SDK1: variants seen among roughly 807,000 people sequenced by gnomAD.
SDK1 encodes the protein protein sidekick-1.
A neutral mutation model predicts 245.5 loss-of-function variants in SDK1; 157 were observed. The ratio of observed to expected loss-of-function variants is 0.64; its 90% CI spans 0.56 to 0.73. The LOEUF is 0.73. Among genes scored for constraint, SDK1 ranks in the 30% least tolerant of loss-of-function variants. The pLI, the probability that SDK1 is intolerant of heterozygous loss-of-function variation, is 0.00. For synonymous variants in SDK1, 1,647 were observed against 1,278.5 expected (o/e 1.29, Z -6.15); for missense variants, 3,583 against 3,002.3 (o/e 1.19, Z -4.52).
At chr7:3,961,099 G>A (rs951022197) in intron 8 of SDK1, among the ~76,000 whole-genome samples, 1 of 152,178 alleles carries the variant, frequency 6.6e-6, no homozygotes, top group East Asian at 1.9e-4. Context: ...GTTAAGTGTA[G>A]ACTTACAAAT....
chr7:3,989,419 G>C (rs1784124130), intron 14 of SDK1, among the ~76,000 whole-genome samples: 1 of 152,202 alleles, frequency 6.6e-6, no homozygotes, highest in Non-Finnish European at 1.5e-5. Flanking sequence ...TTCAAGATGA[G>C]ATTTGGGTGG....
intron 17 of SDK1, among the ~76,000 whole-genome samples, chr7:4,019,405 G>A (rs977759071): frequency 6.6e-6 from 1 of 152,168 alleles, no homozygotes; most frequent in East Asian, 1.9e-4. Flanking sequence ...GAGATTTGGC[G>A]AGGGACTGTG....
At chr7:3,891,521 G>T (rs566308651) in intron 5 of SDK1, among the ~76,000 whole-genome samples, 28 of 152,224 alleles carry the variant, frequency 1.8e-4, no homozygotes, top group African/African-American at 6.5e-4. Context: ...TGTCCCTTTT[G>T]AAGCTGTCCT....
chr7:3,831,647 A>G (rs1779915460), intron 5 of SDK1, among the ~76,000 whole-genome samples: 1 of 152,196 alleles, frequency 6.6e-6, no homozygotes, highest in Admixed American at 6.5e-5. Context: ...TTAAGGACAG[A>G]AAGATGTGAT....
intron 1 of SDK1, among the ~76,000 whole-genome samples, chr7:3,470,168 C>T (rs1483848213): frequency 6.6e-6 from 1 of 152,132 alleles, no homozygotes; most frequent in African/African-American, 2.4e-5. Context: ...AATCTACATA[C>T]TAAAAATTTC....
chr7:3,578,576 C>G (rs761218358), intron 1 of SDK1, among the ~76,000 whole-genome samples: 18 of 151,926 alleles, frequency 1.2e-4, no homozygotes, highest in Non-Finnish European at 2.6e-4. Context: ...GTCCTTATCT[C>G]AACCGCATAA....
At chr7:3,494,441 C>G (rs1272292238) in intron 1 of SDK1, among the ~76,000 whole-genome samples, 9 of 151,924 alleles carry the variant, frequency 5.9e-5, no homozygotes, top group Admixed American at 5.9e-4. Context: ...GTAAGGGTAT[C>G]AACATTATGG....
chr7:3,648,023 T>C (rs904779049), intron 4 of SDK1, among the ~76,000 whole-genome samples: 1 of 152,224 alleles, frequency 6.6e-6, no homozygotes, highest in Non-Finnish European at 1.5e-5. Flanking sequence ...ATCTGAGAAG[T>C]TGAAAACCCC....
At chr7:4,215,436 C>T (rs1038216943) in intron 38 of SDK1, among the ~76,000 whole-genome samples, 1 of 152,230 alleles carries the variant, frequency 6.6e-6, no homozygotes, top group Non-Finnish European at 1.5e-5. Context: ...GCTTCAAAAG[C>T]ATTTGCACGT....
Position 3,966,045 on chromosome 7 carries a change from G to C in SDK1, c.1430-1273G>C, listed in dbSNP as rs1782059399. On this transcript the variant is annotated intron_variant, in intron 9 of 44. Coordinates refer to ENST00000404826, the MANE Select transcript of SDK1 (RefSeq NM_152744.4). ...GAGCCTCGGGAGCTGCGAGCAAGCAGAGAAGGGACATGAAAGCCTTTGTAG... is the reference window on the plus strand; with the variant it reads ...GAGCCTCGGGAGCTGCGAGCAAGCACAGAAGGGACATGAAAGCCTTTGTAG... Among the ~76,000 whole-genome samples, 5 of 152,144 alleles carry C rather than the reference G, an allele frequency of 3.3e-5. No homozygotes were observed. The South Asian group carries it at 6.2e-4, about 19-fold the overall frequency.
intron 32 of SDK1, among the ~76,000 whole-genome samples, chr7:4,165,263 G>T (rs887350967): frequency 2.0e-5 from 3 of 152,078 alleles, no homozygotes; most frequent in African/African-American, 7.2e-5. Context: ...GGAGGCTCAG[G>T]CAGGAGAACT....
At chr7:3,367,398 T>C (rs1050599945) in intron 1 of SDK1, among the ~76,000 whole-genome samples, 2 of 152,180 alleles carry the variant, frequency 1.3e-5, no homozygotes, top group African/African-American at 4.8e-5. Context: ...CTGCTCACTT[T>C]TTTTGACTAT....
At chr7:3,745,733 T>G (rs1223136244) in intron 4 of SDK1, among the ~76,000 whole-genome samples, 1 of 152,178 alleles carries the variant, frequency 6.6e-6, no homozygotes, top group African/African-American at 2.4e-5. Flanking sequence ...TGTTTTCAAA[T>G]GTCTAGCCAA....
chr7:3,923,155 A>C (rs1308139812), intron 5 of SDK1, among the ~76,000 whole-genome samples: 1 of 152,126 alleles, frequency 6.6e-6, no homozygotes, highest in Non-Finnish European at 1.5e-5. Context: ...CCTCTCAATG[A>C]GTTATTTGAT....
At chr7:4,125,344 G>C (rs919007751) in intron 25 of SDK1, among the ~76,000 whole-genome samples, 6 of 120,614 alleles carry the variant, frequency 5.0e-5, no homozygotes, top group African/African-American at 2.5e-4. Context: ...TGAATGAATA[G>C]ATGGATGGAT....
At position 3,500,615 on chromosome 7, in the gene SDK1, C is replaced by G. The variant is rs138364971; in HGVS notation, c.299-118465C>G. 2.6e-3 allele frequency among the ~76,000 whole-genome samples: 390 copies of G among 152,232 alleles called. 2 individuals are homozygous for G. Among genetic ancestry groups the G allele is most frequent in the Middle Eastern group, 0.01 (3 of 294 alleles). ...AGTGTTTTGAAATTTCACAATGATACAGCTAATTGTAGATCTCATTTTCCT... is the reference window on the plus strand; with the variant it reads ...AGTGTTTTGAAATTTCACAATGATAGAGCTAATTGTAGATCTCATTTTCCT... On this transcript the variant is annotated intron_variant, in intron 1 of 44. Transcript: ENST00000404826.
chr7:3,624,799 A>T (rs1266294434), intron 2 of SDK1, among the ~76,000 whole-genome samples: 1 of 152,060 alleles, frequency 6.6e-6, no homozygotes, highest in Non-Finnish European at 1.5e-5. Flanking sequence ...TAATCCCAGC[A>T]CTTTGGGAGG....
rs555648298 is a variant in SDK1 at position 3,820,439 on chromosome 7, C to G, written c.714-1011C>G. ...CTGGGATCACAGATGTGAGCCACTG[C>G]GCTCAGCCCATACTTTTTTAAACAA... On this transcript the variant is annotated intron_variant, in intron 4 of 44. Transcript: ENST00000404826. Among the ~76,000 whole-genome samples, 83 of 152,270 alleles carry G rather than the reference C, an allele frequency of 5.5e-4. 2 individuals are homozygous for G. Among genetic ancestry groups the G allele is most frequent in the South Asian group, 8.3e-4 (4 of 4,822 alleles).
intron 5 of SDK1, among the ~76,000 whole-genome samples, chr7:3,843,461 G>A (rs1780206303): frequency 1.3e-5 from 2 of 152,214 alleles, no homozygotes; most frequent in African/African-American, 4.8e-5. Flanking sequence ...CCGCAAAATA[G>A]GACTTGACTC....
Sources: allele counts gnomAD v4.1 joint callset (sites outside exome capture counted in the v4.1 genomes callset), GRCh38; gene constraint gnomAD v4.1.1; transcripts MANE v1.5; gene names NCBI Gene and HGNC (gene_info 2026-07-23, HGNC 2026-07-21).